Variants in EIF2S1 observed in about 807,000 individuals in gnomAD.
The protein encoded by EIF2S1 is eukaryotic translation initiation factor 2 subunit alpha, also known as eukaryotic translation initiation factor 2 subunit 1.
EIF2S1 carries 5 observed loss-of-function variants against 33.5 expected under a neutral mutation model. The observed-to-expected ratio is 0.15, with a 90% confidence interval of 0.08 to 0.31. EIF2S1 has a LOEUF of 0.31. Among genes scored for constraint, EIF2S1 ranks in the 10% least tolerant of loss-of-function variants. The pLI, the probability that EIF2S1 is intolerant of heterozygous loss-of-function variation, is 1.00. For missense variants in EIF2S1, 191 were observed against 384.6 expected, an observed-to-expected ratio of 0.50 and a Z score of 4.21; for synonymous variants, 99 against 127.5, an observed-to-expected ratio of 0.78 and a Z score of 1.51.
At chr14:67,365,127 C>G in intron 2 of EIF2S1, 119 bp downstream of exon 2, 2 of 1,084,134 alleles carry the variant, frequency 1.8e-6, no homozygotes, top group Non-Finnish European at 2.5e-6. Flanking sequence ...ATACTTAAAC[C>G]TTTTACATAC....
intron 1 of EIF2S1, among the ~76,000 whole-genome samples, chr14:67,362,215 T>C (rs189142015): frequency 5.2e-4 from 79 of 152,102 alleles, no homozygotes; most frequent in Non-Finnish European, 9.4e-4. Flanking sequence ...AAATGGGGTT[T>C]CACCATGTTG....
At chr14:67,379,672 T>TTTTTTTTTTG (rs1301628500) in intron 4 of EIF2S1, among the ~76,000 whole-genome samples, 1 of 138,554 alleles carries the variant, frequency 7.2e-6, no homozygotes, top group African/African-American at 2.9e-5. Context: ...TTTTTTTTTT[T>TTTTTTTTTTG]GAGACGGAGT....
chr14:67,363,350 C>T (rs992454200), intron 1 of EIF2S1, among the ~76,000 whole-genome samples: 2 of 152,004 alleles, frequency 1.3e-5, no homozygotes, highest in Non-Finnish European at 2.9e-5. Flanking sequence ...AGAAATACAT[C>T]TCTGCTACTG....
At chr14:67,365,109 C>G in intron 2 of EIF2S1, 101 bp downstream of exon 2, 5 of 1,243,064 alleles carry the variant, frequency 4.0e-6, no homozygotes, top group Non-Finnish European at 5.4e-6. Context: ...AAAAAAAAAG[C>G]TCCTTTTATA....
chr14:67,380,902 G>A (rs1295562332), intron 5 of EIF2S1, 137 bp downstream of exon 5: 2 of 455,868 alleles, frequency 4.4e-6, no homozygotes, highest in African/African-American at 2.0e-5. Flanking sequence ...TATAACAAAA[G>A]CTTAAGAAAT....
At chr14:67,380,625 T>G (rs772175336) in intron 4 of EIF2S1, 34 bp from the exon 5 acceptor site, 1 of 1,251,344 alleles carries the variant, frequency 8.0e-7, no homozygotes, top group Non-Finnish European at 1.1e-6. Context: ...AATATAACCT[T>G]GACCTTTTGT....
At chr14:67,365,908 T>A (rs1364958411) in intron 2 of EIF2S1, among the ~76,000 whole-genome samples, 1 of 152,202 alleles carries the variant, frequency 6.6e-6, no homozygotes, top group African/African-American at 2.4e-5. Context: ...TGAGGATGTC[T>A]TATGCCTTAG....
intron 6 of EIF2S1, 62 bp downstream of exon 6, chr14:67,381,752 A>T: frequency 2.5e-6 from 3 of 1,179,510 alleles, no homozygotes; most frequent in Non-Finnish European, 3.6e-6. Flanking sequence ...AGGATCTTTG[A>T]TCTTTGTTTC....
At chr14:67,368,303 C>T (rs1417996269) in intron 2 of EIF2S1, among the ~76,000 whole-genome samples, 1 of 152,090 alleles carries the variant, frequency 6.6e-6, no homozygotes, top group Non-Finnish European at 1.5e-5. Flanking sequence ...TGACTTACAG[C>T]AGGGAGAATT....
chr14:67,367,909 T>G (rs1389467727), intron 2 of EIF2S1, among the ~76,000 whole-genome samples: 2 of 152,078 alleles, frequency 1.3e-5, no homozygotes, highest in Non-Finnish European at 2.9e-5. Context: ...GGAAAATATA[T>G]AGGTAAATGT....
At chr14:67,380,624 T>G (rs746109868) in intron 4 of EIF2S1, 35 bp from the exon 5 acceptor site, 1 of 1,248,348 alleles carries the variant, frequency 8.0e-7, no homozygotes, top group Non-Finnish European at 1.1e-6. Flanking sequence ...TAATATAACC[T>G]TGACCTTTTG....
intron 2 of EIF2S1, among the ~76,000 whole-genome samples, chr14:67,372,831 A>G (rs1283035054): frequency 6.6e-6 from 1 of 151,982 alleles, no homozygotes; most frequent in East Asian, 1.9e-4. Context: ...CATCTCAAAA[A>G]AAAAAACAAA....
At chr14:67,379,845 G>A (rs1388029541) in intron 4 of EIF2S1, among the ~76,000 whole-genome samples, 6 of 151,182 alleles carry the variant, frequency 4.0e-5, no homozygotes, top group African/African-American at 1.2e-4. Context: ...TAGTAGAGAC[G>A]AGGTTTCACC....
At chr14:67,378,872 G>T (rs1263530064) in intron 4 of EIF2S1, among the ~76,000 whole-genome samples, 2 of 152,138 alleles carry the variant, frequency 1.3e-5, no homozygotes, top group Non-Finnish European at 2.9e-5. Context: ...TCACTTATCA[G>T]TGATAACCAC....
At chr14:67,378,914 TTTTA>T (rs1329671151) in intron 4 of EIF2S1, among the ~76,000 whole-genome samples, 4 of 152,232 alleles carry the variant, frequency 2.6e-5, no homozygotes, top group Non-Finnish European at 4.4e-5. Context: ...TATCATTTGT[TTTTA>T]TTGTTTTACT....
In EIF2S1 at chr14:67,386,358, A is replaced by G. The variant is rs1173381242; in HGVS notation, c.*2918A>G. On this transcript the variant is annotated 3_prime_UTR_variant, in exon 8 of 8. Coordinates refer to ENST00000256383, the MANE Select transcript of EIF2S1 (RefSeq NM_004094.5). ...TATTAAAGAGAACAAATTTTTACTT[A>G]AGCACTTTGAGGTATCCACTCCCCT... is the stretch of plus-strand genomic sequence containing the variant. The G allele has an allele frequency of 6.6e-6, 1 of 152,358 alleles. No individual in the cohort carries two copies. The highest frequency in any genetic ancestry group is 6.5e-5 in the Admixed American group (1 of 15,284). The allele number at this position is 152,358 out of a possible 1,614,324, so 9.4% of individuals were successfully genotyped here.
At chr14:67,377,022 G>C (rs1595648821) in intron 4 of EIF2S1, among the ~76,000 whole-genome samples, 2 of 152,066 alleles carry the variant, frequency 1.3e-5, no homozygotes, top group Admixed American at 6.5e-5. Context: ...CTGTTCTTTT[G>C]CCCCTGCCTC....
chr14:67,376,542 A>T lies in EIF2S1; in HGVS notation c.425A>T (p.Tyr142Phe). 6.2e-7 allele frequency: 1 copy of T among 1,614,136 alleles called. No homozygotes were observed. The highest frequency in any genetic ancestry group is 8.5e-7 in the Non-Finnish European group (1 of 1,180,010). ...QRTAWVFDDK[Y>F]KRPGYGAYDA... ...ACTGCCTGGGTCTTTGATGACAAGT[A>T]CAAGAGACCTGGATATGGTGCCTAT... The change falls in exon 4 of 8, where the codon TAC becomes TTC. Residue 142 changes from tyrosine to phenylalanine, a missense_variant. Physicochemically the swap from Tyr to Phe is conservative, Grantham distance 22 (BLOSUM62 3). Coordinates refer to ENST00000256383, the MANE Select transcript of EIF2S1 (RefSeq NM_004094.5).
intron 1 of EIF2S1, among the ~76,000 whole-genome samples, chr14:67,362,942 A>G (rs1248030597): frequency 2.0e-5 from 3 of 152,110 alleles, no homozygotes; most frequent in African/African-American, 4.8e-5. Context: ...TCCTGAAGAA[A>G]TAGTATTCAT....
Sources: allele counts gnomAD v4.1 joint callset (sites outside exome capture counted in the v4.1 genomes callset), GRCh38; gene constraint gnomAD v4.1.1; transcripts MANE v1.5; gene names NCBI Gene and HGNC (gene_info 2026-07-23, HGNC 2026-07-21).